The following RUNX3 variants were observed in gnomAD, a reference collection of about 807,000 sequenced individuals.
RUNX3 encodes the protein runt-related transcription factor 3.
Under a neutral mutation model 27.7 loss-of-function variants are expected in RUNX3, and 10 were observed. The ratio of observed to expected loss-of-function variants is 0.36; its 90% CI spans 0.22 to 0.61. The LOEUF is 0.61. RUNX3 is among the 20% of genes least tolerant of loss of function. The pLI, the probability that RUNX3 is intolerant of heterozygous loss-of-function variation, is 0.72. For missense variants in RUNX3, 469 were observed against 629.5 expected (o/e 0.75, Z 2.73); for synonymous variants, 270 against 269.2 (o/e 1.00, Z -0.03).
chr1:24,958,170 C>G (rs1489888470), intron 2 of RUNX3, among the ~76,000 whole-genome samples: 1 of 152,186 alleles, frequency 6.6e-6, no homozygotes. Context: ...ATGCGGGGCT[C>G]AGGGTAGGGC....
rs1343340664 is a variant in RUNX3 at position 24,901,729 on chromosome 1, C to G, written c.*393G>C. Reference sequence around the variant, plus strand: ...AGGTTTCCCAGGGCCTGAGGCTTATCCTGTGGGCCAATGCTGCCTCTCTCT... The same window carrying G: ...AGGTTTCCCAGGGCCTGAGGCTTATGCTGTGGGCCAATGCTGCCTCTCTCT... On this transcript the variant is annotated 3_prime_UTR_variant, in exon 5 of 5. Transcript: ENST00000308873. The G allele has an allele frequency of 5.1e-6, 1 of 194,264 alleles. No individual in the cohort carries two copies. The highest frequency in any genetic ancestry group is 1.0e-5 in the Non-Finnish European group (1 of 95,316). 12.0% of individuals were successfully genotyped at this position (194,264 alleles called of 1,614,324 possible). A position where few individuals can be genotyped will look rare whatever the true frequency, so the allele number is the denominator to read the frequency against.
At chr1:24,907,571 T>G (rs34878696) in intron 3 of RUNX3, among the ~76,000 whole-genome samples, 154 bp from the exon 4 acceptor site, 78,433 of 152,004 alleles carry the variant, frequency 0.52, 21,489 homozygotes, top group African/African-American at 0.71. Context: ...CACAGAGGTT[T>G]TCAAAAGACT....
In RUNX3 at chr1:24,901,819, CAGTG is replaced by C; in HGVS notation, c.*299_*302del. The stretch of plus-strand genomic sequence containing the variant: ...ATGCAGCACTGGGCATAGCTGGAGA[CAGTG>C]AGGTCCTTCCGGGGGGGTGGCAGGA... On this transcript the variant is annotated 3_prime_UTR_variant, in exon 5 of 5. Transcript: ENST00000308873. 2.4e-6 allele frequency: 1 copy of C among 408,304 alleles called. No individual in the cohort carries two copies. The highest frequency in any genetic ancestry group is 4.4e-6 in the Non-Finnish European group (1 of 225,100). The allele number at this position is 408,304 out of a possible 1,614,324, so 25.3% of individuals were successfully genotyped here. A position where few individuals can be genotyped will look rare whatever the true frequency, so the allele number is the denominator to read the frequency against.
chr1:24,924,344 G>A (rs1553202787), intron 2 of RUNX3, among the ~76,000 whole-genome samples: 1 of 152,022 alleles, frequency 6.6e-6, no homozygotes, highest in Non-Finnish European at 1.5e-5. Flanking sequence ...CTGGGCGACA[G>A]AGCGAGACCT....
At chr1:24,903,139 C>T (rs1004354060) in intron 4 of RUNX3, among the ~76,000 whole-genome samples, 10 of 152,164 alleles carry the variant, frequency 6.6e-5, no homozygotes, top group Admixed American at 4.6e-4. Context: ...AGTTGGAACC[C>T]GCTTTTGAAG....
chr1:24,925,936 C>T (rs755988536), intron 2 of RUNX3, among the ~76,000 whole-genome samples: 2 of 152,056 alleles, frequency 1.3e-5, no homozygotes, highest in South Asian at 2.1e-4. Context: ...GCATGAAAAC[C>T]CCTAAAAAAA....
chr1:24,907,529 T>A, intron 3 of RUNX3, 112 bp from the exon 4 acceptor site: 2 of 1,126,812 alleles, frequency 1.8e-6, no homozygotes, highest in Non-Finnish European at 2.5e-6. Flanking sequence ...AGGCCTCTGC[T>A]GGGAGAACCC....
chr1:24,961,013 A>G (rs1347834218), intron 2 of RUNX3, among the ~76,000 whole-genome samples: 1 of 152,162 alleles, frequency 6.6e-6, no homozygotes, highest in East Asian at 1.9e-4. Flanking sequence ...CCCTGAGGGT[A>G]GGCGTTGCCC....
intron 3 of RUNX3, among the ~76,000 whole-genome samples, chr1:24,914,143 G>C (rs1640843344): frequency 6.6e-6 from 1 of 152,254 alleles, no homozygotes; most frequent in African/African-American, 2.4e-5. Flanking sequence ...GAAGAGCTGG[G>C]TCACCTGGCC....
At chr1:24,940,295 T>C (rs1426621775) in intron 2 of RUNX3, among the ~76,000 whole-genome samples, 1 of 152,178 alleles carries the variant, frequency 6.6e-6, no homozygotes, top group African/African-American at 2.4e-5. Flanking sequence ...TCTCAAACGC[T>C]CAGCTCATAG....
At chr1:24,939,852 G>A (rs567062158) in intron 2 of RUNX3, among the ~76,000 whole-genome samples, 1 of 152,358 alleles carries the variant, frequency 6.6e-6, no homozygotes, top group South Asian at 2.1e-4. Flanking sequence ...AGCATGGGTG[G>A]AAGGGCAGGG....
At position 24,936,054 on chromosome 1, in the gene RUNX3, C is replaced by T. The variant is rs1457304930; in HGVS notation, c.59-6202G>A. Among the ~76,000 whole-genome samples, 3 of 152,202 alleles carry T rather than the reference C, an allele frequency of 2.0e-5. No homozygotes were observed. In the East Asian group the frequency reaches 5.8e-4, roughly 29 times the overall value. ...CGTGCAGAGCTACCTGCCAGCAGAG[C>T]CATCAAACACGGACTCTTCTACTGG... On this transcript the variant is annotated intron_variant, in intron 2 of 6. Coordinates refer to the RUNX3 transcript ENST00000338888.
chr1:24,944,031 T>C (rs1187685501), intron 2 of RUNX3, among the ~76,000 whole-genome samples: 2 of 152,172 alleles, frequency 1.3e-5, no homozygotes, highest in Non-Finnish European at 2.9e-5. Context: ...TCGCTGGGCC[T>C]AAACATTAGC....
At chr1:24,909,726 AC>A in intron 3 of RUNX3, among the ~76,000 whole-genome samples, 1 of 152,058 alleles carries the variant, frequency 6.6e-6, no homozygotes, top group Non-Finnish European at 1.5e-5. Flanking sequence ...CCCTGTTCGC[AC>A]CCCCTAGTGG....
intron 2 of RUNX3, among the ~76,000 whole-genome samples, chr1:24,936,676 G>A (rs551827656): frequency 5.3e-5 from 8 of 152,254 alleles, no homozygotes; most frequent in Non-Finnish European, 7.4e-5. Context: ...TTCCTCTCTC[G>A]CAGGCCCTCC....
intron 2 of RUNX3, chr1:24,961,658 T>C (rs1000975177): frequency 8.5e-5 from 13 of 152,196 alleles, no homozygotes; most frequent in African/African-American, 2.9e-4. Flanking sequence ...AAACCACACC[T>C]GCCCAGGCCC....
rs1557832564 is a variant in RUNX3 at position 24,900,450 on chromosome 1, C to G, written c.*1672G>C. The stretch of plus-strand genomic sequence containing the variant: ...AAGTTAAAATACCGCATGCTGCTAG[C>G]CTTTATGAGTTCCCTTACGCCTTTT... On this transcript the variant is annotated 3_prime_UTR_variant, in exon 5 of 5. Transcript: ENST00000308873. The G allele has an allele frequency of 6.6e-6, 1 of 152,386 alleles. No homozygotes were observed. Among genetic ancestry groups the G allele is most frequent in the Non-Finnish European group, 1.5e-5 (1 of 68,044 alleles). 9.4% of individuals were successfully genotyped at this position (152,386 alleles called of 1,614,324 possible).
At chr1:24,935,450 G>T (rs752184310) in intron 2 of RUNX3, among the ~76,000 whole-genome samples, 4 of 152,168 alleles carry the variant, frequency 2.6e-5, no homozygotes, top group African/African-American at 4.8e-5. Context: ...ATCCTTCCAC[G>T]CCCATCCCCA....
At chr1:24,924,291 C>A (rs1312906667) in intron 2 of RUNX3, among the ~76,000 whole-genome samples, 1 of 152,014 alleles carries the variant, frequency 6.6e-6, no homozygotes, top group Non-Finnish European at 1.5e-5. Flanking sequence ...CTGCTTGAGA[C>A]CAGGAGGTTG....
Sources: allele counts gnomAD v4.1 joint callset (sites outside exome capture counted in the v4.1 genomes callset), GRCh38; gene constraint gnomAD v4.1.1; transcripts MANE v1.5; gene names NCBI Gene and HGNC (gene_info 2026-07-23, HGNC 2026-07-21).